Variants in PLA2G4C observed in about 807,000 individuals in gnomAD.
PLA2G4C encodes the protein phospholipase A2 group IVC.
A neutral mutation model predicts 73.8 loss-of-function variants in PLA2G4C; 64 were observed. That is an observed-to-expected ratio of 0.87 (90% CI 0.71 to 1.07). The LOEUF (loss-of-function observed/expected upper bound fraction) is 1.07, where lower values mean the gene tolerates loss of function less well. Ranked by LOEUF, PLA2G4C falls within the 50% of genes least tolerant of loss-of-function variation. PLA2G4C has a pLI of 0.00. For synonymous variants in PLA2G4C, 254 were observed against 252.1 expected, an observed-to-expected ratio of 1.01 and a Z score of -0.07; for missense variants, 622 against 665.4, an observed-to-expected ratio of 0.93 and a Z score of 0.72.
Position 48,110,478 on chromosome 19 carries a change from A to G in PLA2G4C, c.-33+9T>C. 1 of 1,398,050 alleles carries G rather than the reference A, an allele frequency of 7.2e-7. No individual in the cohort carries two copies. The highest frequency in any genetic ancestry group is 9.1e-7 in the Non-Finnish European group (1 of 1,096,880). 86.6% of individuals were successfully genotyped at this position (1,398,050 alleles called of 1,614,324 possible). On this transcript the variant is annotated intron_variant, in intron 1 of 16. Transcript: ENST00000599921. ...GGATGAAACAGCCCTCCCTGCCCCC[A>G]CGGCTTGCCTGAGCCTGGGTCTGGG...
intron 10 of PLA2G4C, 79 bp downstream of exon 10, chr19:48,084,980 C>A: frequency 9.9e-7 from 1 of 1,009,802 alleles, no homozygotes; most frequent in Non-Finnish European, 1.6e-6. Flanking sequence ...TCTTTTCTGC[C>A]ACATGCAGGA....
chr19:48,096,192 G>A (rs1354321949), intron 6 of PLA2G4C, among the ~76,000 whole-genome samples: 1 of 152,098 alleles, frequency 6.6e-6, no homozygotes, highest in Non-Finnish European at 1.5e-5. Flanking sequence ...TTCTAGGTCT[G>A]GGAATGACTG....
rs149188073 is a variant in PLA2G4C at position 48,109,547 on chromosome 19, T to C, written c.-33+940A>G. Among the ~76,000 whole-genome samples the C allele has an allele frequency of 4.4e-3, 666 of 152,314 alleles. 3 individuals are homozygous for C. The highest frequency in any genetic ancestry group is 0.015 in the African/African-American group (642 of 41,580). Reference sequence around the variant, plus strand: ...TTGGCTTCCCAAAACGCTGGGATTATAGGCATGAGTCATCGCACTCGGCCA... The same window carrying C: ...TTGGCTTCCCAAAACGCTGGGATTACAGGCATGAGTCATCGCACTCGGCCA... On this transcript the variant is annotated intron_variant, in intron 1 of 16. Transcript: ENST00000599921.
intron 16 of PLA2G4C, among the ~76,000 whole-genome samples, chr19:48,050,244 C>T (rs1358409917): frequency 6.6e-6 from 1 of 152,142 alleles, no homozygotes; most frequent in East Asian, 1.9e-4. Context: ...TAATGGCAGC[C>T]CCAGCAAACT....
At chr19:48,088,233 A>G (rs2031096202) in intron 9 of PLA2G4C, among the ~76,000 whole-genome samples, 1 of 152,192 alleles carries the variant, frequency 6.6e-6, no homozygotes, top group Non-Finnish European at 1.5e-5. Context: ...TCGCTTCTAC[A>G]ACCAGCATAT....
At chr19:48,102,591 C>T (rs1037450645) in intron 4 of PLA2G4C, among the ~76,000 whole-genome samples, 1 of 152,144 alleles carries the variant, frequency 6.6e-6, no homozygotes, top group Non-Finnish European at 1.5e-5. Flanking sequence ...CAGGTTGGGA[C>T]GATTTGCATG....
chr19:48,097,871 A>G, intron 6 of PLA2G4C: 2 of 352,048 alleles, frequency 5.7e-6, no homozygotes, highest in Non-Finnish European at 1.0e-5. Flanking sequence ...CTCCCACCTC[A>G]GCCTCCCAAA....
In PLA2G4C at chr19:48,059,927, C is replaced by T. The variant is rs554890230; in HGVS notation, c.1257+2071G>A. 8.6e-5 allele frequency among the ~76,000 whole-genome samples: 13 copies of T among 152,000 alleles called. No homozygotes were observed. The South Asian group carries it at 2.7e-3, about 32-fold the overall frequency. ...GGGATTACAGGCACCTGCCACCACG[C>T]CCAGCTAATTTTTTTGTATTTTTAG... On this transcript the variant is annotated intron_variant, in intron 14 of 16. Transcript: ENST00000599921.
chr19:48,059,258 G>A (rs202000220), intron 14 of PLA2G4C, among the ~76,000 whole-genome samples: 33 of 124,872 alleles, frequency 2.6e-4, no homozygotes, highest in East Asian at 1.4e-3. Flanking sequence ...GTGATAGAGC[G>A]AGACTCTGTC....
intron 3 of PLA2G4C, 22 bp from the exon 4 acceptor site, chr19:48,104,746 G>A (rs376985294): frequency 2.1e-5 from 34 of 1,612,748 alleles, no homozygotes; most frequent in East Asian, 1.8e-4. Flanking sequence ...GGAGAAAATC[G>A]ATCAGAGGTT....
At chr19:48,058,998 C>A (rs576649237) in intron 14 of PLA2G4C, among the ~76,000 whole-genome samples, 1 of 151,966 alleles carries the variant, frequency 6.6e-6, no homozygotes, top group African/African-American at 2.4e-5. Context: ...ATTGGCCGGG[C>A]GTGGTGGCTC....
chr19:48,049,921 T>G (rs1214153171), intron 16 of PLA2G4C, among the ~76,000 whole-genome samples: 1 of 152,154 alleles, frequency 6.6e-6, no homozygotes, highest in Non-Finnish European at 1.5e-5. Flanking sequence ...AGCCACCTGA[T>G]CTGTGGTACT....
intron 4 of PLA2G4C, among the ~76,000 whole-genome samples, chr19:48,103,202 G>A (rs1313809890): frequency 1.3e-5 from 2 of 151,954 alleles, no homozygotes; most frequent in Admixed American, 6.6e-5. Context: ...CAGCAGTCTC[G>A]GAAAGATTCC....
intron 16 of PLA2G4C, among the ~76,000 whole-genome samples, chr19:48,048,948 G>A (rs80144081): frequency 6.6e-6 from 1 of 152,106 alleles, no homozygotes; most frequent in South Asian, 2.1e-4. Flanking sequence ...GTGAGTTCTT[G>A]CTCTATTAGT....
chr19:48,096,380 C>G (rs997447122), intron 6 of PLA2G4C, among the ~76,000 whole-genome samples: 1 of 151,882 alleles, frequency 6.6e-6, no homozygotes, highest in African/African-American at 2.4e-5. Flanking sequence ...GTCAGGAGTT[C>G]GAGACCAGCC....
intron 14 of PLA2G4C, among the ~76,000 whole-genome samples, chr19:48,058,816 CAAA>C (rs148968011): frequency 8.9e-6 from 1 of 112,148 alleles, no homozygotes. Context: ...GACTCCATCT[CAAA>C]AAAAAAAAAA....
chr19:48,067,590 C>T (rs752670327), intron 13 of PLA2G4C, among the ~76,000 whole-genome samples: 3 of 152,140 alleles, frequency 2.0e-5, no homozygotes, highest in East Asian at 1.9e-4. Context: ...GGACTCGCAG[C>T]GAGGCCACAC....
At chr19:48,054,409 T>C (rs915067293) in intron 15 of PLA2G4C, among the ~76,000 whole-genome samples, 5 of 152,118 alleles carry the variant, frequency 3.3e-5, no homozygotes, top group Non-Finnish European at 5.9e-5. Context: ...GTTCAAGCGA[T>C]TCTCCTGCCT....
chr19:48,100,705 C>T (rs966153797), intron 4 of PLA2G4C, among the ~76,000 whole-genome samples: 16 of 148,612 alleles, frequency 1.1e-4, no homozygotes, highest in South Asian at 4.3e-4. Flanking sequence ...GTCAGGAGAT[C>T]GAGACCATCC....
Sources: gnomAD v4.1 joint callset for allele counts (sites outside exome capture counted in the v4.1 genomes callset) on GRCh38, gnomAD v4.1.1 for gene constraint, MANE v1.5 for transcripts, NCBI Gene and HGNC (gene_info 2026-07-23, HGNC 2026-07-21) for gene names.